The following TMCO1 variants were observed in gnomAD, a reference collection of about 807,000 sequenced individuals.
TMCO1 encodes transmembrane and coiled-coil domains 1.
In TMCO1, 29 loss-of-function variants were observed where a neutral mutation model predicts 29.3. The observed-to-expected ratio is 0.99, with a 90% CI of 0.74 to 1.35. The LOEUF is 1.35. Ranked by LOEUF, TMCO1 falls within the 40% of genes most tolerant of loss-of-function variation. TMCO1 has a pLI of 0.00. For missense variants in TMCO1, 173 were observed against 225.5 expected (o/e 0.77, Z 1.49); for synonymous variants, 80 against 77.1 (o/e 1.04, Z -0.20).
intron 5 of TMCO1, among the ~76,000 whole-genome samples, chr1:165,751,646 A>C (rs1174073776): frequency 3.9e-5 from 6 of 151,972 alleles, no homozygotes; most frequent in Non-Finnish European, 8.8e-5. Context: ...CAGAGGTTGC[A>C]GTGAGCCAAG....
At chr1:165,742,273 CT>C (rs1651627151) in intron 6 of TMCO1, among the ~76,000 whole-genome samples, 1 of 145,868 alleles carries the variant, frequency 6.9e-6, no homozygotes, top group Non-Finnish European at 1.5e-5. Context: ...CCCCCCTTTT[CT>C]TTTTTTGAGA....
intron 5 of TMCO1, among the ~76,000 whole-genome samples, chr1:165,748,080 A>C (rs1251956613): frequency 6.6e-6 from 1 of 151,358 alleles, no homozygotes; most frequent in Non-Finnish European, 1.5e-5. Flanking sequence ...AATCGCTTGA[A>C]CCCGGGAGGT....
chr1:165,763,379 T>C lies in TMCO1; in HGVS notation c.149-3795A>G, dbSNP rs141410654. 3.1e-4 allele frequency among the ~76,000 whole-genome samples: 47 copies of C among 152,314 alleles called. 1 individual carries two copies. The East Asian group carries it at 8.1e-3, about 26-fold the overall frequency. ...TGTGGCCGCTCATTTCATATTGTAC[T>C]TACTACAGTAAACTAAACACATAGC... On this transcript the variant is annotated intron_variant, in intron 2 of 6. Transcript: ENST00000367881.
chr1:165,756,449 A>G (rs1416876636), intron 3 of TMCO1, among the ~76,000 whole-genome samples: 1 of 152,176 alleles, frequency 6.6e-6, no homozygotes, highest in Non-Finnish European at 1.5e-5. Flanking sequence ...CTCATCACGT[A>G]TATCCTTCAA....
At chr1:165,735,263 T>C (rs1651323119) in intron 6 of TMCO1, among the ~76,000 whole-genome samples, 1 of 152,206 alleles carries the variant, frequency 6.6e-6, no homozygotes, top group Non-Finnish European at 1.5e-5. Flanking sequence ...TTCTGAATTT[T>C]AGCTTAGTGC....
At chr1:165,729,010 G>T (rs999940147) in intron 6 of TMCO1, among the ~76,000 whole-genome samples, 7 of 151,256 alleles carry the variant, frequency 4.6e-5, no homozygotes, top group African/African-American at 1.7e-4. Context: ...GGAGGGTGAG[G>T]CATGAGAGTC....
At chr1:165,725,199 T>C (rs1294488261), downstream of TMCO1, 6 of 453,088 alleles carry the variant, frequency 1.3e-5, no homozygotes, top group Admixed American at 9.4e-5. Flanking sequence ...AAGGGCAGTA[T>C]TGAAATACAT....
At chr1:165,748,026 G>A (rs1467670865) in intron 5 of TMCO1, among the ~76,000 whole-genome samples, 1 of 152,006 alleles carries the variant, frequency 6.6e-6, no homozygotes, top group East Asian at 1.9e-4. Context: ...TGGTGTGGGG[G>A]CGAGTCCCTG....
At chr1:165,749,526 C>T (rs1431647633) in intron 5 of TMCO1, among the ~76,000 whole-genome samples, 1 of 152,146 alleles carries the variant, frequency 6.6e-6, no homozygotes, top group Admixed American at 6.5e-5. Context: ...AGGCTAGGTG[C>T]AGTGGCTCAT....
At chr1:165,730,355 C>CA (rs71656963) in intron 6 of TMCO1, among the ~76,000 whole-genome samples, 19 of 150,692 alleles carry the variant, frequency 1.3e-4, no homozygotes, top group Non-Finnish European at 2.2e-4. Flanking sequence ...CAAAACAAAA[C>CA]AAAAAAAAAA....
intron 3 of TMCO1, among the ~76,000 whole-genome samples, chr1:165,757,122 T>C (rs533231713): frequency 6.6e-5 from 10 of 152,286 alleles, no homozygotes; most frequent in African/African-American, 1.9e-4. Context: ...AATCAATTAC[T>C]TATGAGAACT....
At chr1:165,768,536 C>A (rs771625881) in intron 1 of TMCO1, 146 bp downstream of exon 1, 40 of 1,558,352 alleles carry the variant, frequency 2.6e-5, no homozygotes, top group Non-Finnish European at 3.5e-5. Flanking sequence ...TGCTCCTGTT[C>A]ACGAGTTGCC....
chr1:165,753,835 CACAAG>C (rs1652087477), intron 4 of TMCO1, among the ~76,000 whole-genome samples: 1 of 151,934 alleles, frequency 6.6e-6, no homozygotes. Context: ...GAAAAAAGAA[CACAAG>C]ACAGTAATAA....
At chr1:165,736,631 G>T (rs1417969470) in intron 6 of TMCO1, among the ~76,000 whole-genome samples, 1 of 149,756 alleles carries the variant, frequency 6.7e-6, no homozygotes, top group Non-Finnish European at 1.5e-5. Context: ...TGAGACAGGA[G>T]AATCACTTGA....
intron 2 of TMCO1, among the ~76,000 whole-genome samples, chr1:165,766,778 A>AAATAAATAAAT (rs56155420): frequency 2.5e-4 from 38 of 151,266 alleles, no homozygotes; most frequent in Non-Finnish European, 4.4e-4. Context: ...ATAAATAAAT[A>AAATAAATAAAT]AAAAATAAAA....
At chr1:165,735,427 G>C (rs1362374187) in intron 6 of TMCO1, among the ~76,000 whole-genome samples, 2 of 151,474 alleles carry the variant, frequency 1.3e-5, no homozygotes, top group Non-Finnish European at 2.9e-5. Flanking sequence ...ACTGGAAATA[G>C]AGAAAGAATC....
At chr1:165,728,167 C>G in intron 6 of TMCO1, 46 bp from the exon 7 acceptor site, 1 of 1,479,516 alleles carries the variant, frequency 6.8e-7, no homozygotes, top group Non-Finnish European at 9.4e-7. Context: ...ATCAAATATA[C>G]AGAAGATGTG....
downstream of TMCO1, chr1:165,725,887 A>AC (rs571786277): frequency 3.6e-6 from 2 of 558,364 alleles, no homozygotes; most frequent in Non-Finnish European, 6.7e-6. Context: ...ATTTAAAAAA[A>AC]TTTTAATGAA....
At chr1:165,750,626 T>C (rs1651960107) in intron 5 of TMCO1, among the ~76,000 whole-genome samples, 1 of 151,506 alleles carries the variant, frequency 6.6e-6, no homozygotes, top group Admixed American at 6.6e-5. Context: ...GTTACAGAAA[T>C]TAATACATAT....
Sources: allele counts gnomAD v4.1 joint callset (sites outside exome capture counted in the v4.1 genomes callset), GRCh38; gene constraint gnomAD v4.1.1; transcripts MANE v1.5; gene names NCBI Gene and HGNC (gene_info 2026-07-23, HGNC 2026-07-21).